Variants in AKR1B10 observed in about 807,000 individuals in gnomAD.
AKR1B10 encodes the protein aldo-keto reductase family 1 member B10, also known as ARP.
AKR1B10 carries 39 observed loss-of-function variants against 38.9 expected under a neutral mutation model. That is an observed-to-expected ratio of 1.00 (90% CI 0.78 to 1.31). The LOEUF is 1.31. Among genes scored for constraint, AKR1B10 ranks in the 50% most tolerant of loss-of-function variants. AKR1B10 has a pLI of 0.00. For synonymous variants in AKR1B10, 148 were observed against 141.2 expected, an observed-to-expected ratio of 1.05 and a Z score of -0.34; for missense variants, 361 against 382.6, an observed-to-expected ratio of 0.94 and a Z score of 0.47.
In AKR1B10 at chr7:134,532,016, G is replaced by A. The variant is rs146306673; in HGVS notation, c.343G>A (p.Gly115Arg). 6.2e-7 allele frequency: 1 copy of A among 1,614,076 alleles called. No homozygotes were observed. Among genetic ancestry groups the A allele is most frequent in the Non-Finnish European group, 8.5e-7 (1 of 1,179,960 alleles). The change falls in exon 3 of 10, where the codon GGA (glycine) becomes AGA (arginine). Residue 115 changes from glycine (G) to arginine (R), a missense_variant. This residue lies in a region of AKR1B10 where 220 missense variants were observed against 216.1 expected (regional missense o/e 1.02). Coordinates refer to ENST00000359579, the MANE Select transcript of AKR1B10 (RefSeq NM_020299.5). Reference sequence around the variant, plus strand: ...CGTCTATCTTATTCACTGGCCACAGGGATTCAAGGTTTAAGACACTCTCTT... The same window carrying A: ...CGTCTATCTTATTCACTGGCCACAGAGATTCAAGGTTTAAGACACTCTCTT... ...LDVYLIHWPQ[G>R]FKSGDDLFPK...
At position 134,541,134 on chromosome 7, in the gene AKR1B10, G is replaced by A. The variant is rs111298187; in HGVS notation, c.*45G>A. The stretch of plus-strand genomic sequence containing the variant: ...ATTATACAGGAGATTCTCTTTCTTC[G>A]CTGAAGTGTGACTACCTCCACTCAT... On this transcript the variant is annotated 3_prime_UTR_variant, in exon 10 of 10. Transcript: ENST00000359579. 2.1e-3 allele frequency: 2,930 copies of A among 1,425,762 alleles called. 48 individuals are homozygous for A. The African/African-American group carries it at 0.037, about 18-fold the overall frequency. 88.3% of individuals were successfully genotyped at this position (1,425,762 alleles called of 1,614,324 possible). A position where few individuals can be genotyped will look rare whatever the true frequency, so the allele number is the denominator to read the frequency against.
chr7:134,533,857 T>G (rs1807930441), intron 4 of AKR1B10, among the ~76,000 whole-genome samples: 1 of 152,208 alleles, frequency 6.6e-6, no homozygotes, highest in Non-Finnish European at 1.5e-5. Context: ...TTTTTATTAT[T>G]TATACCCTTT....
At chr7:134,535,607 T>TTTTG (rs1807978220) in intron 4 of AKR1B10, 5 of 951,624 alleles carry the variant, frequency 5.3e-6, no homozygotes, top group Non-Finnish European at 6.2e-6. Flanking sequence ...TTTTTTTTTT[T>TTTTG]TCTTTTGAGG....
chr7:134,538,197 C>G lies in AKR1B10; in HGVS notation c.745C>G (p.Leu249Val). Residue 249 changes from leucine (L) to valine (V), a missense_variant, in exon 8 of 10, where the codon CTG becomes GTG. Transcript: ENST00000359579. ...CTGATGTCCCCTTTCCGCATAGGTT[C>G]TGATCCGTTTCCATATCCAGAGGAA... is the stretch of plus-strand genomic sequence containing the variant. ...AKHKKTAAQVLIRFHIQRNVI... is the reference protein window; with the variant it reads ...AKHKKTAAQVVIRFHIQRNVI... 6.2e-7 allele frequency: 1 copy of G among 1,614,012 alleles called. No homozygotes were observed. Among genetic ancestry groups the G allele is most frequent in the Non-Finnish European group, 8.5e-7 (1 of 1,179,908 alleles).
At position 134,538,989 on chromosome 7, in the gene AKR1B10, A is replaced by G. The variant is rs1249091012; in HGVS notation, c.880A>G (p.Arg294Gly). 1 of 1,614,116 alleles carries G rather than the reference A, an allele frequency of 6.2e-7. No homozygotes were observed. Among genetic ancestry groups the G allele is most frequent in the Non-Finnish European group, 8.5e-7 (1 of 1,179,988 alleles). The change falls in exon 9 of 10, where the codon AGA (arginine) becomes GGA (glycine). Residue 294 changes from arginine to glycine, a missense_variant. Around this residue, in one of 3 missense-constraint regions of AKR1B10, gnomAD observed 132 missense variants for 134.6 expected, o/e 0.98. Transcript: ENST00000359579. ...GATGGCAACCATACTCAGCTTCAACAGAAACTGGAGGGCCTGTAACGTGTT... is the reference window on the plus strand; with the variant it reads ...GATGGCAACCATACTCAGCTTCAACGGAAACTGGAGGGCCTGTAACGTGTT... ...EEMATILSFN[R>G]NWRACNVLQS...
rs1183123646 is a variant in AKR1B10, at chr7:134,533,081, G to A, written c.429G>A (p.Glu143=). 1.9e-6 allele frequency: 3 copies of A among 1,592,290 alleles called. No homozygotes were observed. The highest frequency in any genetic ancestry group is 1.4e-5 in the African/African-American group (1 of 73,642). The change falls in exon 4 of 10, where the codon GAG becomes GAA. Residue 143 remains glutamate, a splice_region_variant and synonymous_variant. Transcript: ENST00000359579. The part of the protein sequence containing the change: ...GGKATFLDAW[E]AMEELVDEGL... ...AAGCAACGTTCTTGGATGCCTGGGA[G>A]GTAGGTTCCCAGCTTCCTCTAAGTG...
At chr7:134,532,559 T>A (rs1807889731) in intron 3 of AKR1B10, among the ~76,000 whole-genome samples, 1 of 152,078 alleles carries the variant, frequency 6.6e-6, no homozygotes, top group African/African-American at 2.4e-5. Flanking sequence ...CTCTCTCCCC[T>A]CCTGACCAAC....
Position 134,538,960 on chromosome 7 carries a change from A to C in AKR1B10, c.851A>C (p.Glu284Ala), listed in dbSNP as rs1808081278. Residue 284 changes from glutamate (E) to alanine (A), a missense_variant, in exon 9 of 10, where the codon GAG (glutamate) becomes GCG (alanine). Physicochemically the swap from Glu to Ala is moderately radical, Grantham distance 107. This residue lies in a region of AKR1B10 where 132 missense variants were observed against 134.6 expected (regional missense o/e 0.98). Coordinates refer to ENST00000359579, the MANE Select transcript of AKR1B10 (RefSeq NM_020299.5). ...GTCTTTGACTTTAAATTGAGTGATG[A>C]GGAGATGGCAACCATACTCAGCTTC... ...IQVFDFKLSD[E>A]EMATILSFNR... 1 of 1,613,936 alleles carries C rather than the reference A, an allele frequency of 6.2e-7. No individual in the cohort carries two copies. The highest frequency in any genetic ancestry group is 1.7e-5 in the Admixed American group (1 of 59,998).
Position 134,538,211 on chromosome 7 carries a change from T to C in AKR1B10, c.759T>C (p.His253=), listed in dbSNP as rs145883973. The part of the protein sequence containing the change: ...KTAAQVLIRF[H]IQRNVIVIPK... ...CCGCATAGGTTCTGATCCGTTTCCATATCCAGAGGAATGTGATTGTCATCC... is the reference window on the plus strand; with the variant it reads ...CCGCATAGGTTCTGATCCGTTTCCACATCCAGAGGAATGTGATTGTCATCC... The change falls in exon 8 of 10, where the codon CAT becomes CAC. Residue 253 remains histidine (H), a synonymous_variant. Transcript: ENST00000359579. 4 of 1,613,966 alleles carry C rather than the reference T, an allele frequency of 2.5e-6. No homozygotes were observed. In the African/African-American group the frequency reaches 5.3e-5, roughly 22 times the overall value.
At chr7:134,537,730 T>C in intron 7 of AKR1B10, 69 bp downstream of exon 7, 1 of 1,577,156 alleles carries the variant, frequency 6.3e-7, no homozygotes, top group Non-Finnish European at 8.7e-7. Context: ...ATATCCTGTG[T>C]TGTCCTCAAC....
At chr7:134,530,918 C>T in intron 2 of AKR1B10, 108 bp downstream of exon 2, 2 of 1,405,228 alleles carry the variant, frequency 1.4e-6, no homozygotes, top group Middle Eastern at 3.7e-4. Context: ...TACCCCTTTT[C>T]ATCTCTGCCT....
chr7:134,532,130 A>G, intron 3 of AKR1B10, 106 bp downstream of exon 3: 1 of 1,349,264 alleles, frequency 7.4e-7, no homozygotes, highest in South Asian at 1.2e-5. Context: ...GAGGCCTTGC[A>G]TTTCATAATT....
At chr7:134,533,177 T>C in intron 4 of AKR1B10, 96 bp downstream of exon 4, 1 of 1,001,244 alleles carries the variant, frequency 1.0e-6, no homozygotes, top group South Asian at 1.7e-5. Flanking sequence ...GCCTGATGCT[T>C]TCTAATTTCA....
intron 2 of AKR1B10, 94 bp downstream of exon 2, chr7:134,530,904 C>T (rs565979790): frequency 1.4e-6 from 2 of 1,472,874 alleles, no homozygotes; most frequent in Admixed American, 2.2e-5. Context: ...GCCTTTTCTA[C>T]ATGTACCCCT....
rs1808013923 is a variant in AKR1B10, at chr7:134,536,643, A to G, written c.430-7A>G. 6.2e-7 allele frequency: 1 copy of G among 1,613,586 alleles called. No individual in the cohort carries two copies. Among genetic ancestry groups the G allele is most frequent in the Non-Finnish European group, 8.5e-7 (1 of 1,179,736 alleles). On this transcript the variant is annotated splice_polypyrimidine_tract_variant and splice_region_variant and intron_variant, in intron 4 of 9. Coordinates refer to ENST00000359579, the MANE Select transcript of AKR1B10 (RefSeq NM_020299.5). ...AGCTGCCCATAAGGTATTCCTTTCT[A>G]TGATAGGCCATGGAGGAGCTGGTGG...
Position 134,527,798 on chromosome 7 carries a change from A to C in AKR1B10, c.-114A>C, listed in dbSNP as rs1807720579. ...GAGACAGAGGTTGTAGTGAGCTGAG[A>C]TCGCACCACTGCACTCTAGCCTTGG... is the stretch of plus-strand genomic sequence containing the variant. On this transcript the variant is annotated 5_prime_UTR_variant, in exon 1 of 10. Coordinates refer to ENST00000359579, the MANE Select transcript of AKR1B10 (RefSeq NM_020299.5). The C allele has an allele frequency of 6.7e-6, 10 of 1,484,186 alleles. No homozygotes were observed. Among genetic ancestry groups the C allele is most frequent in the Non-Finnish European group, 9.3e-6 (10 of 1,080,568 alleles). The allele number at this position is 1,484,186 out of a possible 1,614,324, so 91.9% of individuals were successfully genotyped here.
In AKR1B10 at chr7:134,538,181, C is replaced by A; in HGVS notation, c.742-13C>A. On this transcript the variant is annotated splice_polypyrimidine_tract_variant and intron_variant, in intron 7 of 9. Coordinates refer to ENST00000359579, the MANE Select transcript of AKR1B10 (RefSeq NM_020299.5). ...GGAGCTGAGTGGAAGCCTGATGTCC[C>A]CTTTCCGCATAGGTTCTGATCCGTT... is the stretch of plus-strand genomic sequence containing the variant. The A allele has an allele frequency of 1.2e-6, 2 of 1,613,080 alleles. No individual in the cohort carries two copies. The highest frequency in any genetic ancestry group is 1.7e-6 in the Non-Finnish European group (2 of 1,179,076).
intron 8 of AKR1B10, among the ~76,000 whole-genome samples, chr7:134,538,540 G>T (rs1270945881): frequency 6.6e-6 from 1 of 152,166 alleles, no homozygotes; most frequent in Non-Finnish European, 1.5e-5. Flanking sequence ...AAGACCCTCA[G>T]TTGCCCCTGA....
At chr7:134,535,613 TGAGGCCCAG>T in intron 4 of AKR1B10, 1 of 933,324 alleles carries the variant, frequency 1.1e-6, no homozygotes, top group Non-Finnish European at 1.3e-6. Flanking sequence ...TTTTTTCTTT[TGAGGCCCAG>T]CTTATACTCT....
Sources: allele counts gnomAD v4.1 joint callset (sites outside exome capture counted in the v4.1 genomes callset), GRCh38; gene constraint gnomAD v4.1.1; regional missense constraint gnomAD v4.1.1; transcripts MANE v1.5; gene names NCBI Gene and HGNC (gene_info 2026-07-23, HGNC 2026-07-21).